Variants in NUP107 observed in about 807,000 individuals in gnomAD.
NUP107 encodes the protein nucleoporin 107.
NUP107 carries 101 observed loss-of-function variants against 141.0 expected under a neutral mutation model. The ratio of observed to expected loss-of-function variants is 0.72; its 90% confidence interval spans 0.61 to 0.84. NUP107 has a LOEUF of 0.84. NUP107 is among the 40% of genes least tolerant of loss of function. The probability of loss-of-function intolerance (pLI) is 0.00; values close to 1 mark genes in which losing one functional copy is unlikely to be tolerated. For synonymous variants in NUP107, 319 were observed against 363.9 expected, an observed-to-expected ratio of 0.88 and a Z score of 1.41; for missense variants, 941 against 1,102.7, an observed-to-expected ratio of 0.85 and a Z score of 2.08.
chr12:68,692,749 ATT>A (rs35628849), intron 5 of NUP107, among the ~76,000 whole-genome samples: 72 of 135,352 alleles, frequency 5.3e-4, no homozygotes, highest in Admixed American at 7.7e-4. Flanking sequence ...TGCCTAGCTA[ATT>A]TTTTTTTTTT....
chr12:68,687,158 G>C, intron 1 of NUP107, 85 bp downstream of exon 1: 4 of 1,587,438 alleles, frequency 2.5e-6, no homozygotes, highest in Non-Finnish European at 3.5e-6. Flanking sequence ...TAGACTCCCA[G>C]AAGAAGCCAA....
chr12:68,692,293 C>T, intron 5 of NUP107, 181 bp downstream of exon 5: 1 of 599,434 alleles, frequency 1.7e-6, no homozygotes, highest in Non-Finnish European at 2.7e-6. Flanking sequence ...AAGAGTCTCA[C>T]TCTGTTGCCG....
At chr12:68,704,786 ATAGT>A (rs1876499041) in intron 8 of NUP107, among the ~76,000 whole-genome samples, 1 of 152,088 alleles carries the variant, frequency 6.6e-6, no homozygotes. Context: ...GCAAGTATAT[ATAGT>A]TAAAAAAGGA....
chr12:68,734,898 G>T lies in NUP107; in HGVS notation c.2388+65G>T. The T allele has an allele frequency of 2.0e-6, 3 of 1,527,304 alleles. No individual in the cohort carries two copies. The South Asian group carries it at 3.8e-5, about 19-fold the overall frequency. 94.6% of individuals were successfully genotyped at this position (1,527,304 alleles called of 1,614,324 possible). On this transcript the variant is annotated intron_variant, in intron 25 of 27. Transcript: ENST00000229179. ...TATAAATGTGTGTTGTATATTTAAA[G>T]AGATCGTTTCTTCAGCAACTATCTT...
intron 6 of NUP107, among the ~76,000 whole-genome samples, chr12:68,699,887 A>G (rs1422486968): frequency 6.6e-6 from 1 of 151,878 alleles, no homozygotes; most frequent in African/African-American, 2.4e-5. Context: ...CTCAGTCCTG[A>G]AAAGGTGTTT....
chr12:68,698,870 A>C (rs967959181), intron 6 of NUP107, among the ~76,000 whole-genome samples: 2 of 152,202 alleles, frequency 1.3e-5, no homozygotes, highest in Admixed American at 6.5e-5. Flanking sequence ...ATGTCAGTAT[A>C]CATTTATCAT....
chr12:68,694,080 T>C (rs1875936076), intron 5 of NUP107, among the ~76,000 whole-genome samples: 1 of 152,204 alleles, frequency 6.6e-6, no homozygotes, highest in Admixed American at 6.5e-5. Flanking sequence ...TAGGAAGTAG[T>C]GGTACCAGGA....
chr12:68,733,720 C>G lies in NUP107; in HGVS notation c.2262+108C>G. ...GAAGTAGTGTTGGTTCATCTTACCT[C>G]TCTTGTGACTATAGTGCTGACTCAT... On this transcript the variant is annotated intron_variant, in intron 24 of 27. Transcript: ENST00000229179. The G allele has an allele frequency of 3.7e-6, 4 of 1,075,210 alleles. No homozygotes were observed. The South Asian group carries it at 6.2e-5, about 17-fold the overall frequency. 66.6% of individuals were successfully genotyped at this position (1,075,210 alleles called of 1,614,324 possible). A position where few individuals can be genotyped will look rare whatever the true frequency, so the allele number is the denominator to read the frequency against.
intron 15 of NUP107, 100 bp from the exon 16 acceptor site, chr12:68,721,741 T>C: frequency 8.3e-7 from 1 of 1,199,654 alleles, no homozygotes; most frequent in Non-Finnish European, 1.2e-6. Context: ...TTTATATCAT[T>C]ATAAAGTGAT....
At chr12:68,691,790 T>C (rs2135997175) in intron 4 of NUP107, among the ~76,000 whole-genome samples, 178 bp from the exon 5 acceptor site, 1 of 149,710 alleles carries the variant, frequency 6.7e-6, no homozygotes, top group Admixed American at 6.7e-5. Context: ...GCCATGATCG[T>C]GCCACTGAAC....
chr12:68,698,333 G>A (rs1876169640), intron 6 of NUP107, among the ~76,000 whole-genome samples: 1 of 152,164 alleles, frequency 6.6e-6, no homozygotes, highest in Admixed American at 6.5e-5. Context: ...GGAGCAACAG[G>A]AACTATCATT....
chr12:68,705,587 G>A (rs553935639), intron 8 of NUP107: 2 of 309,320 alleles, frequency 6.5e-6, no homozygotes, highest in Non-Finnish European at 1.3e-5. Context: ...GTTCCTTCTC[G>A]AATCTCCGCC....
In NUP107 at chr12:68,741,962, G is replaced by A. The variant is rs1192921000; in HGVS notation, c.2652G>A (p.Glu884=). The A allele has an allele frequency of 1.9e-6, 3 of 1,607,698 alleles. No homozygotes were observed. The change falls in exon 27 of 28, where the codon GAG becomes GAA. Residue 884 remains glutamate (E), a synonymous_variant. Coordinates refer to ENST00000229179, the MANE Select transcript of NUP107 (RefSeq NM_020401.4). ...AGTTAGCAGATATGGTATCCTCTGA[G>A]CGCCACAAACTGTACCTGGTAAGTT... ...CLQLADMVSS[E]RHKLYLVFSK... is the part of the protein sequence containing the mutation.
intron 2 of NUP107, 69 bp downstream of exon 2, chr12:68,689,122 C>A: frequency 3.1e-6 from 4 of 1,308,992 alleles, no homozygotes; most frequent in Non-Finnish European, 3.2e-6. Context: ...GTAGAATTTT[C>A]TTTTTATAAG....
At chr12:68,692,801 G>A (rs1241021748) in intron 5 of NUP107, among the ~76,000 whole-genome samples, 1 of 149,726 alleles carries the variant, frequency 6.7e-6, no homozygotes, top group Non-Finnish European at 1.5e-5. Context: ...CCAGACTGGA[G>A]TGGAGTGATG....
intron 1 of NUP107, 101 bp downstream of exon 1, chr12:68,687,174 T>C (rs1020233042): frequency 7.3e-6 from 11 of 1,516,940 alleles, no homozygotes; most frequent in Non-Finnish European, 1.0e-5. Flanking sequence ...GCCAAGGAGG[T>C]CCCGGGTGCT....
chr12:68,735,893 G>GT, intron 26 of NUP107, among the ~76,000 whole-genome samples: 1 of 152,280 alleles, frequency 6.6e-6, no homozygotes, highest in East Asian at 1.9e-4. Context: ...AAAGGCACAG[G>GT]TTAAGTATTT....
At chr12:68,695,056 AC>A (rs1422085633) in intron 5 of NUP107, among the ~76,000 whole-genome samples, 3 of 152,224 alleles carry the variant, frequency 2.0e-5, no homozygotes, top group African/African-American at 7.2e-5. Flanking sequence ...ACTGCCTTAC[AC>A]CCGTTAGTGT....
intron 17 of NUP107, among the ~76,000 whole-genome samples, chr12:68,723,368 C>T (rs965147012): frequency 4.6e-5 from 7 of 151,892 alleles, no homozygotes; most frequent in Admixed American, 2.6e-4. Flanking sequence ...CACTACTGCA[C>T]CCCAGCCTGG....
Sources: gnomAD v4.1 joint callset for allele counts (sites outside exome capture counted in the v4.1 genomes callset) on GRCh38, gnomAD v4.1.1 for gene constraint, MANE v1.5 for transcripts, NCBI Gene and HGNC (gene_info 2026-07-23, HGNC 2026-07-21) for gene names.